ARHGAP44: variants seen among roughly 807,000 people sequenced by gnomAD.
ARHGAP44 encodes the protein rho GTPase-activating protein 44.
Under a neutral mutation model 106.8 loss-of-function variants are expected in ARHGAP44, and 43 were observed. The ratio of observed to expected loss-of-function variants is 0.40; its 90% confidence interval spans 0.32 to 0.52. The LOEUF (loss-of-function observed/expected upper bound fraction) is 0.52, where lower values mean the gene tolerates loss of function less well. Ranked by LOEUF, ARHGAP44 falls within the 20% of genes least tolerant of loss-of-function variation. The pLI is 0.48. For synonymous variants in ARHGAP44, 439 were observed against 410.3 expected (o/e 1.07, Z -0.85); for missense variants, 866 against 1,050.5 (o/e 0.82, Z 2.43).
intron 1 of ARHGAP44, among the ~76,000 whole-genome samples, chr17:12,855,824 T>C (rs910480367): frequency 1.3e-5 from 2 of 152,152 alleles, no homozygotes; most frequent in African/African-American, 4.8e-5. Context: ...TGGAAGATGT[T>C]ATTGTAACAC....
intron 16 of ARHGAP44, among the ~76,000 whole-genome samples, chr17:12,963,287 G>T (rs2143223710): frequency 6.6e-6 from 1 of 152,250 alleles, no homozygotes; most frequent in South Asian, 2.1e-4. Flanking sequence ...TGTGGGAGAG[G>T]TGATGTTCTG....
chr17:12,820,067 A>C (rs2150794591), intron 1 of ARHGAP44, among the ~76,000 whole-genome samples: 1 of 152,244 alleles, frequency 6.6e-6, no homozygotes, highest in South Asian at 2.1e-4. Context: ...TCAAATAAGT[A>C]TTTGAGTGTG....
chr17:12,857,765 G>GTTATTTATTTATTTAT (rs56164347), intron 1 of ARHGAP44, among the ~76,000 whole-genome samples: 1 of 145,544 alleles, frequency 6.9e-6, no homozygotes, highest in Non-Finnish European at 1.5e-5. Flanking sequence ...GGTTGCCCAT[G>GTTATTTATTTATTTAT]TTATTTATTT....
At chr17:12,968,987 T>G (rs1291991541) in intron 16 of ARHGAP44, among the ~76,000 whole-genome samples, 1 of 152,108 alleles carries the variant, frequency 6.6e-6, no homozygotes, top group African/African-American at 2.4e-5. Context: ...GCCAGGATGG[T>G]CTCGATCTCC....
intron 1 of ARHGAP44, among the ~76,000 whole-genome samples, chr17:12,791,072 T>G (rs1480598743): frequency 2.0e-5 from 3 of 152,232 alleles, no homozygotes; most frequent in Non-Finnish European, 2.9e-5. Context: ...ATAGGGGACA[T>G]CTGAACTCCC....
intron 1 of ARHGAP44, among the ~76,000 whole-genome samples, chr17:12,834,237 T>C (rs529822700): frequency 6.6e-6 from 1 of 152,308 alleles, no homozygotes; most frequent in East Asian, 1.9e-4. Flanking sequence ...TTCTTGCTCC[T>C]GGCTCTAAGC....
chr17:12,789,899 AC>A lies in ARHGAP44; in HGVS notation c.53+11del. The stretch of plus-strand genomic sequence containing the variant: ...CAACCAGACGGTGGGCAGGTAGGTC[AC>A]CCGCGGGCACCGCTGTCGGTGCGCG... On this transcript the variant is annotated intron_variant, in intron 1 of 20. Coordinates refer to ENST00000379672, the MANE Select transcript of ARHGAP44 (RefSeq NM_014859.6). The A allele has an allele frequency of 3.3e-6, 5 of 1,516,312 alleles. No homozygotes were observed. Among genetic ancestry groups the A allele is most frequent in the Non-Finnish European group, 2.6e-6 (3 of 1,134,274 alleles). 93.9% of individuals were successfully genotyped at this position (1,516,312 alleles called of 1,614,324 possible). A position where few individuals can be genotyped will look rare whatever the true frequency, so the allele number is the denominator to read the frequency against.
intron 1 of ARHGAP44, among the ~76,000 whole-genome samples, chr17:12,889,210 T>G (rs147046524): frequency 1.3e-5 from 2 of 152,348 alleles, no homozygotes; most frequent in Admixed American, 1.3e-4. Context: ...TGGGTTAATT[T>G]ATCATTTTTG....
At chr17:12,796,446 T>TACAC (rs1056095312) in intron 1 of ARHGAP44, among the ~76,000 whole-genome samples, 68 of 152,306 alleles carry the variant, frequency 4.5e-4, no homozygotes, top group African/African-American at 1.5e-3. Context: ...GTGTATATTA[T>TACAC]ACACACATAC....
rs558885453 is a variant in ARHGAP44 at position 12,807,895 on chromosome 17, C to G, written c.53+18004C>G. Reference sequence around the variant, plus strand: ...AAGGCAAGTCTCTTCTGCCTATGAGCCTGTAAAACCAAAATCAAGTTAGTT... The same window carrying G: ...AAGGCAAGTCTCTTCTGCCTATGAGGCTGTAAAACCAAAATCAAGTTAGTT... On this transcript the variant is annotated intron_variant, in intron 1 of 20. Transcript: ENST00000379672. Among the ~76,000 whole-genome samples, 29 of 152,310 alleles carry G rather than the reference C, an allele frequency of 1.9e-4. No individual in the cohort carries two copies. The East Asian group carries it at 5.4e-3, about 28-fold the overall frequency.
At chr17:12,794,150 G>A (rs577199458) in intron 1 of ARHGAP44, among the ~76,000 whole-genome samples, 3 of 152,256 alleles carry the variant, frequency 2.0e-5, no homozygotes, top group South Asian at 4.2e-4. Context: ...GAAGCATACC[G>A]AAAGGCATAG....
intron 1 of ARHGAP44, among the ~76,000 whole-genome samples, chr17:12,884,451 GAACACTTAACT>G (rs2036827368): frequency 6.6e-6 from 1 of 152,124 alleles, no homozygotes; most frequent in Non-Finnish European, 1.5e-5. Context: ...TAAGAGCTTA[GAACACTTAACT>G]TCAACCACTT....
chr17:12,828,908 TGGGATTACA>T (rs199755249), intron 1 of ARHGAP44, among the ~76,000 whole-genome samples: 4,141 of 152,160 alleles, frequency 0.027, 175 homozygotes, highest in African/African-American at 0.092. Context: ...CCCAAAGTGC[TGGGATTACA>T]GGGATTACAG....
At chr17:12,823,504 C>T (rs1399082867) in intron 1 of ARHGAP44, among the ~76,000 whole-genome samples, 1 of 152,176 alleles carries the variant, frequency 6.6e-6, no homozygotes, top group Non-Finnish European at 1.5e-5. Context: ...TTAAGACTCA[C>T]TATTTCTATT....
chr17:12,865,657 C>T (rs9899812), intron 1 of ARHGAP44, among the ~76,000 whole-genome samples: 93,498 of 151,668 alleles, frequency 0.62, 29,664 homozygotes, highest in Non-Finnish European at 0.68. Flanking sequence ...GGCGTGGTGG[C>T]GGGCACCTAT....
At chr17:12,983,154 A>G (rs2039873295) in intron 19 of ARHGAP44, among the ~76,000 whole-genome samples, 1 of 151,510 alleles carries the variant, frequency 6.6e-6, no homozygotes, top group Non-Finnish European at 1.5e-5. Context: ...AGTCCCAGCT[A>G]CTTGGGAGGC....
rs1434870745 is a variant in ARHGAP44, at chr17:12,990,747, T to C, written c.*576T>C. On this transcript the variant is annotated 3_prime_UTR_variant, in exon 21 of 21. Coordinates refer to ENST00000379672, the MANE Select transcript of ARHGAP44 (RefSeq NM_014859.6). ...TGGAAAACCTTTCAGGCCGCCCCCA[T>C]CAGTGGGCTCCAAAGTAAATGGCTG... 1 of 152,356 alleles carries C rather than the reference T, an allele frequency of 6.6e-6. No homozygotes were observed. Among genetic ancestry groups the C allele is most frequent in the African/African-American group, 2.4e-5 (1 of 41,462 alleles). 9.4% of individuals were successfully genotyped at this position (152,356 alleles called of 1,614,324 possible).
At chr17:12,816,051 C>T (rs539428952) in intron 1 of ARHGAP44, among the ~76,000 whole-genome samples, 3 of 152,066 alleles carry the variant, frequency 2.0e-5, no homozygotes, top group Non-Finnish European at 2.9e-5. Context: ...AGTTACTGAA[C>T]GCAGTTGAAA....
intron 18 of ARHGAP44, among the ~76,000 whole-genome samples, chr17:12,975,992 T>C (rs1404072582): frequency 6.6e-6 from 1 of 151,792 alleles, no homozygotes; most frequent in African/African-American, 2.4e-5. Flanking sequence ...GATGTGAGAA[T>C]TGCACCATGA....
Sources: allele counts gnomAD v4.1 joint callset (sites outside exome capture counted in the v4.1 genomes callset), GRCh38; gene constraint gnomAD v4.1.1; transcripts MANE v1.5; gene names NCBI Gene and HGNC (gene_info 2026-07-23, HGNC 2026-07-21).